The following KCNN2 variants were observed in gnomAD, a reference collection of about 807,000 sequenced individuals.
The protein encoded by KCNN2 is potassium calcium-activated channel subfamily N member 2, also known as small conductance calcium-activated potassium channel protein 2.
In KCNN2, 24 loss-of-function variants were observed where a neutral mutation model predicts 55.5. The ratio of observed to expected loss-of-function variants is 0.43; its 90% CI spans 0.31 to 0.61. The LOEUF is 0.61. Ranked by LOEUF, KCNN2 falls within the 20% of genes least tolerant of loss-of-function variation. KCNN2 has a pLI of 0.08. For synonymous variants in KCNN2, 431 were observed against 336.1 expected, an observed-to-expected ratio of 1.28 and a Z score of -3.09; for missense variants, 754 against 853.6, an observed-to-expected ratio of 0.88 and a Z score of 1.45.
intron 2 of KCNN2, among the ~76,000 whole-genome samples, chr5:114,382,929 G>C (rs909989887): frequency 2.7e-4 from 41 of 152,312 alleles, no homozygotes; most frequent in African/African-American, 9.6e-4. Flanking sequence ...AATTGTTTCA[G>C]TGAACTTTTT....
At chr5:114,137,031 G>A (rs952652627) in intron 1 of KCNN2, among the ~76,000 whole-genome samples, 1 of 152,026 alleles carries the variant, frequency 6.6e-6, no homozygotes, top group Non-Finnish European at 1.5e-5. Flanking sequence ...CCTACTATTC[G>A]TGGTAGATAG....
chr5:114,429,919 A>G (rs553941891), intron 3 of KCNN2, among the ~76,000 whole-genome samples: 2 of 149,476 alleles, frequency 1.3e-5, no homozygotes, highest in East Asian at 2.0e-4. Flanking sequence ...GCCTGTATCA[A>G]TGATCAGTTG....
At chr5:114,308,587 C>A (rs1756336525) in intron 2 of KCNN2, among the ~76,000 whole-genome samples, 3 of 152,110 alleles carry the variant, frequency 2.0e-5, no homozygotes. Flanking sequence ...GAACAGGAAG[C>A]AATAGCACAC....
intron 2 of KCNN2, among the ~76,000 whole-genome samples, chr5:114,316,434 G>C (rs685193): frequency 0.43 from 65,436 of 151,842 alleles, 14,699 homozygotes; most frequent in East Asian, 0.83. Context: ...CTAGCTTAAC[G>C]CCCTTGATTT....
intron 2 of KCNN2, among the ~76,000 whole-genome samples, chr5:114,367,539 C>T (rs376213756): frequency 7.9e-4 from 120 of 152,064 alleles, no homozygotes; most frequent in South Asian, 5.0e-3. Context: ...AACATAATAG[C>T]GATTATTTTT....
chr5:114,197,655 G>C (rs1164346657), intron 1 of KCNN2, among the ~76,000 whole-genome samples: 1 of 152,198 alleles, frequency 6.6e-6, no homozygotes, highest in Non-Finnish European at 1.5e-5. Context: ...CCTGGAATAA[G>C]AGTGGCTGCA....
At chr5:114,478,681 C>A (rs1034101091) in intron 5 of KCNN2, among the ~76,000 whole-genome samples, 1 of 152,080 alleles carries the variant, frequency 6.6e-6, no homozygotes, top group Admixed American at 6.6e-5. Context: ...AAATAAAACC[C>A]GTCTGACTAA....
intron 2 of KCNN2, among the ~76,000 whole-genome samples, chr5:114,288,497 T>C (rs1457757): frequency 0.29 from 36,971 of 128,208 alleles, 5,739 homozygotes; most frequent in South Asian, 0.37. Context: ...TATATATATA[T>C]ATACACACAC....
chr5:114,115,747 T>C (rs144629695), intron 1 of KCNN2, among the ~76,000 whole-genome samples: 1 of 152,134 alleles, frequency 6.6e-6, no homozygotes, highest in Non-Finnish European at 1.5e-5. Flanking sequence ...TCTTTTAGGG[T>C]ATCATCCAGC....
At chr5:114,064,498 A>C (rs1160119134) in intron 1 of KCNN2, among the ~76,000 whole-genome samples, 2 of 152,188 alleles carry the variant, frequency 1.3e-5, no homozygotes, top group Non-Finnish European at 2.9e-5. Flanking sequence ...CAGCATTGAG[A>C]CATCAGATGT....
chr5:114,466,133 A>AGAT (rs1171992107), intron 4 of KCNN2, among the ~76,000 whole-genome samples: 4 of 152,010 alleles, frequency 2.6e-5, no homozygotes, highest in South Asian at 4.1e-4. Context: ...ATAAGTCATG[A>AGAT]GATTGCCTAA....
chr5:114,182,357 A>G (rs532550760), intron 1 of KCNN2, among the ~76,000 whole-genome samples: 2 of 152,202 alleles, frequency 1.3e-5, no homozygotes, highest in East Asian at 3.9e-4. Flanking sequence ...AAATGTGGAT[A>G]TGAGATGTAT....
chr5:114,345,740 A>C (rs1004860055), intron 2 of KCNN2, among the ~76,000 whole-genome samples: 2 of 152,168 alleles, frequency 1.3e-5, no homozygotes, highest in Non-Finnish European at 2.9e-5. Context: ...CAAGCATGGC[A>C]GTAGCATCTG....
intron 2 of KCNN2, among the ~76,000 whole-genome samples, chr5:114,271,257 A>C (rs1755327010): frequency 6.6e-6 from 1 of 152,000 alleles, no homozygotes. Context: ...CTAGTCAGAA[A>C]AGTTCTCCAG....
intron 2 of KCNN2, among the ~76,000 whole-genome samples, chr5:114,307,407 C>T (rs1282696183): frequency 2.6e-5 from 4 of 152,162 alleles, no homozygotes; most frequent in African/African-American, 9.7e-5. Flanking sequence ...TCCTGTGGGT[C>T]TGATTGCTAC....
intron 2 of KCNN2, among the ~76,000 whole-genome samples, chr5:114,252,426 A>C (rs937702901): frequency 6.6e-6 from 1 of 152,130 alleles, no homozygotes; most frequent in Non-Finnish European, 1.5e-5. Flanking sequence ...TGGGAGAGGG[A>C]ATACCTACCA....
intron 3 of KCNN2, among the ~76,000 whole-genome samples, chr5:114,408,118 C>A (rs1177841815): frequency 6.6e-6 from 1 of 151,750 alleles, no homozygotes; most frequent in Non-Finnish European, 1.5e-5. Flanking sequence ...GCGGTTGCCT[C>A]TTGGTTTTTC....
intron 1 of KCNN2, among the ~76,000 whole-genome samples, chr5:114,079,110 C>G (rs372126171): frequency 7.9e-4 from 120 of 152,124 alleles, no homozygotes; most frequent in African/African-American, 2.8e-3. Flanking sequence ...TTGTAAAAAC[C>G]TATACAGAGG....
In KCNN2 at chr5:114,187,069, G is replaced by A. The variant is rs186096061; in HGVS notation, c.-270-34411G>A. 2.8e-3 allele frequency among the ~76,000 whole-genome samples: 426 copies of A among 152,256 alleles called. 2 individuals are homozygous for A. Among genetic ancestry groups the A allele is most frequent in the Non-Finnish European group, 4.2e-3 (284 of 68,008 alleles). On this transcript the variant is annotated intron_variant, in intron 1 of 10. Transcript: ENST00000512097. ...ATTAAGGTTTACTTTAGAAACGTAAGAGTGATATAACATTAGAAAAATCTA... is the reference window on the plus strand; with the variant it reads ...ATTAAGGTTTACTTTAGAAACGTAAAAGTGATATAACATTAGAAAAATCTA...
Sources: gnomAD v4.1 joint callset for allele counts (sites outside exome capture counted in the v4.1 genomes callset) on GRCh38, gnomAD v4.1.1 for gene constraint, MANE v1.5 for transcripts, NCBI Gene and HGNC (gene_info 2026-07-23, HGNC 2026-07-21) for gene names.